The following COLQ variants were observed in gnomAD, a reference collection of about 807,000 sequenced individuals.
COLQ encodes acetylcholinesterase collagenic tail peptide.
Under a neutral mutation model 69.0 loss-of-function variants are expected in COLQ, and 48 were observed. The ratio of observed to expected loss-of-function variants is 0.70; its 90% CI spans 0.55 to 0.88. The LOEUF (loss-of-function observed/expected upper bound fraction) is 0.88, where lower values mean the gene tolerates loss of function less well. COLQ is among the 40% of genes least tolerant of loss of function. COLQ has a pLI of 0.00. For synonymous variants in COLQ, 217 were observed against 211.2 expected (o/e 1.03, Z -0.24); for missense variants, 618 against 594.6 (o/e 1.04, Z -0.41).
chr3:15,517,010 C>T (rs2063071994), intron 1 of COLQ, among the ~76,000 whole-genome samples: 1 of 152,124 alleles, frequency 6.6e-6, no homozygotes, highest in South Asian at 2.1e-4. Flanking sequence ...GGCTTGGTGG[C>T]ACGTGCCTGT....
chr3:15,510,747 GGAGGGGAGGGGAACA>G, intron 1 of COLQ, among the ~76,000 whole-genome samples: 1 of 138,484 alleles, frequency 7.2e-6, no homozygotes, highest in African/African-American at 2.7e-5. Flanking sequence ...GGAGGGGACA[GGAGGGGAGGGGAACA>G]GAGGGGAGGG....
chr3:15,481,023 GTTGT>G (rs1237664614), intron 3 of COLQ, among the ~76,000 whole-genome samples: 2 of 152,174 alleles, frequency 1.3e-5, no homozygotes, highest in African/African-American at 4.8e-5. Context: ...TTTTGATGGG[GTTGT>G]TTGATTTTTT....
chr3:15,457,002 T>C (rs2062036085), intron 13 of COLQ, among the ~76,000 whole-genome samples: 1 of 152,032 alleles, frequency 6.6e-6, no homozygotes, highest in African/African-American at 2.4e-5. Context: ...TTTGTATTTT[T>C]AGTAGAGATA....
chr3:15,517,462 TATC>T lies in COLQ; in HGVS notation c.106+4055_106+4057del, dbSNP rs538533595. 2.0e-3 allele frequency among the ~76,000 whole-genome samples: 301 copies of T among 152,282 alleles called. 2 individuals carry two copies. Among genetic ancestry groups the T allele is most frequent in the Admixed American group, 0.018 (268 of 15,300 alleles). ...TGTGGAAGGCCTGCCCTCCGGTAAA[TATC>T]ATTGTCTTTGTGTCTGTGCCTCCAC... On this transcript the variant is annotated intron_variant, in intron 1 of 16. Transcript: ENST00000383788.
chr3:15,520,539 G>A (rs2063122402), intron 1 of COLQ, among the ~76,000 whole-genome samples: 1 of 152,192 alleles, frequency 6.6e-6, no homozygotes, highest in Non-Finnish European at 1.5e-5. Flanking sequence ...TTCTGTCTCA[G>A]TTGAAGTATT....
At chr3:15,482,344 G>A (rs527853856) in intron 3 of COLQ, among the ~76,000 whole-genome samples, 1 of 152,242 alleles carries the variant, frequency 6.6e-6, no homozygotes, top group East Asian at 1.9e-4. Flanking sequence ...TTGGCTACGG[G>A]TTTGTCATAA....
intron 13 of COLQ, among the ~76,000 whole-genome samples, chr3:15,457,361 T>C (rs2062040054): frequency 6.6e-6 from 1 of 151,742 alleles, no homozygotes; most frequent in South Asian, 2.1e-4. Context: ...GATGGATGAT[T>C]ATGATGAACA....
Position 15,479,112 on chromosome 3 carries a change from T to G in COLQ, c.367-109A>C. ...GGCATGGCCATGTGGCTCAGTTGCTTGGCTGCTGCTCACGGCCCCTCTGCC... is the reference window on the plus strand; with the variant it reads ...GGCATGGCCATGTGGCTCAGTTGCTGGGCTGCTGCTCACGGCCCCTCTGCC... On this transcript the variant is annotated intron_variant, in intron 4 of 16. Coordinates refer to ENST00000383788, the MANE Select transcript of COLQ (RefSeq NM_005677.4). The G allele has an allele frequency of 2.1e-6, 3 of 1,397,910 alleles. No individual in the cohort carries two copies. In the South Asian group the frequency reaches 3.5e-5, roughly 16 times the overall value. The allele number at this position is 1,397,910 out of a possible 1,614,324, so 86.6% of individuals were successfully genotyped here.
chr3:15,515,479 G>A (rs1165319580), intron 1 of COLQ, among the ~76,000 whole-genome samples: 1 of 152,168 alleles, frequency 6.6e-6, no homozygotes, highest in Admixed American at 6.5e-5. Context: ...CAGTCCATAG[G>A]AGAAATACAA....
At chr3:15,499,900 T>C (rs1005144229) in intron 1 of COLQ, among the ~76,000 whole-genome samples, 1 of 152,208 alleles carries the variant, frequency 6.6e-6, no homozygotes, top group African/African-American at 2.4e-5. Context: ...AAGCCGACTT[T>C]GATAGTTTGC....
At chr3:15,484,319 CCG>C (rs1308093638) in intron 3 of COLQ, among the ~76,000 whole-genome samples, 1 of 152,128 alleles carries the variant, frequency 6.6e-6, no homozygotes, top group Non-Finnish European at 1.5e-5. Context: ...ATGGTCTTTA[CCG>C]TTTGGTATGA....
intron 1 of COLQ, among the ~76,000 whole-genome samples, chr3:15,492,258 G>C (rs1483409251): frequency 6.6e-6 from 1 of 152,120 alleles, no homozygotes; most frequent in African/African-American, 2.4e-5. Flanking sequence ...CATGTGATGT[G>C]ATTTTCTGAA....
intron 1 of COLQ, among the ~76,000 whole-genome samples, chr3:15,521,249 G>A (rs2063133003): frequency 6.6e-6 from 1 of 152,212 alleles, no homozygotes; most frequent in African/African-American, 2.4e-5. Context: ...ATGAAATCAT[G>A]CAGCAAATGG....
intron 5 of COLQ, 173 bp from the exon 6 acceptor site, chr3:15,477,370 T>C (rs2062397809): frequency 2.4e-5 from 15 of 630,190 alleles, no homozygotes; most frequent in Middle Eastern, 2.6e-4. Context: ...GGTGTCACAC[T>C]GTATCATCAA....
intron 8 of COLQ, 30 bp downstream of exon 8, chr3:15,474,895 T>A: frequency 1.2e-6 from 2 of 1,613,970 alleles, no homozygotes; most frequent in Non-Finnish European, 1.7e-6. Context: ...CAGACCAGGC[T>A]CTAGGACACC....
intron 1 of COLQ, among the ~76,000 whole-genome samples, chr3:15,505,195 T>C (rs1223841080): frequency 2.0e-5 from 3 of 152,218 alleles, no homozygotes; most frequent in African/African-American, 7.2e-5. Context: ...CAGTGCCACC[T>C]GGAGGAACCT....
intron 1 of COLQ, among the ~76,000 whole-genome samples, chr3:15,497,588 A>G (rs1480274437): frequency 2.0e-5 from 3 of 152,222 alleles, no homozygotes; most frequent in African/African-American, 7.2e-5. Flanking sequence ...GAGAATTACA[A>G]GTGCAGCCAT....
intron 13 of COLQ, among the ~76,000 whole-genome samples, chr3:15,457,091 T>C (rs1192516411): frequency 2.0e-5 from 3 of 152,160 alleles, no homozygotes; most frequent in African/African-American, 4.8e-5. Context: ...CCCAAAGTTC[T>C]GGGATTACAG....
chr3:15,506,944 T>TGC (rs1559531659), intron 1 of COLQ: 1 of 152,172 alleles, frequency 6.6e-6, no homozygotes, highest in Non-Finnish European at 1.5e-5. Context: ...TGTAACTACA[T>TGC]AAAATGCATG....
Sources: allele counts gnomAD v4.1 joint callset (sites outside exome capture counted in the v4.1 genomes callset), GRCh38; gene constraint gnomAD v4.1.1; transcripts MANE v1.5; gene names NCBI Gene and HGNC (gene_info 2026-07-23, HGNC 2026-07-21).